The following MMEL1 variants were observed in gnomAD, a reference collection of about 807,000 sequenced individuals.
MMEL1 encodes membrane metallo-endopeptidase-like 1.
MMEL1 carries 98 observed loss-of-function variants against 117.1 expected under a neutral mutation model. The observed-to-expected ratio is 0.84, with a 90% CI of 0.71 to 0.99. MMEL1 has a LOEUF of 0.99. Among genes scored for constraint, MMEL1 ranks in the 50% least tolerant of loss-of-function variants. MMEL1 has a pLI of 0.00. For missense variants in MMEL1, 1,014 were observed against 1,049.1 expected (o/e 0.97, Z 0.46); for synonymous variants, 390 against 415.1 (o/e 0.94, Z 0.74).
intron 13 of MMEL1, among the ~76,000 whole-genome samples, chr1:2,597,526 C>T (rs981408121): frequency 3.9e-5 from 6 of 152,158 alleles, no homozygotes; most frequent in African/African-American, 1.4e-4. Context: ...TGTGTGTCTG[C>T]CAGCACCATG....
intron 2 of MMEL1, among the ~76,000 whole-genome samples, chr1:2,629,063 T>A (rs996996956): frequency 2.6e-5 from 4 of 151,286 alleles, no homozygotes; most frequent in East Asian, 2.0e-4. Flanking sequence ...GGCGGGCGGG[T>A]GCGGAGCTGC....
intron 2 of MMEL1, among the ~76,000 whole-genome samples, chr1:2,614,334 G>A (rs1645171871): frequency 6.6e-6 from 1 of 152,208 alleles, no homozygotes; most frequent in Non-Finnish European, 1.5e-5. Flanking sequence ...AGCAAAGGAA[G>A]CTGTACATAA....
chr1:2,630,640 CGT>C (rs1491089925), intron 1 of MMEL1, among the ~76,000 whole-genome samples: 17 of 142,072 alleles, frequency 1.2e-4, no homozygotes, highest in East Asian at 4.4e-4. Flanking sequence ...CCTGTGCTCG[CGT>C]GTGTGCGTGT....
At chr1:2,601,233 G>A (rs1386530591) in intron 11 of MMEL1, among the ~76,000 whole-genome samples, 3 of 152,170 alleles carry the variant, frequency 2.0e-5, no homozygotes, top group Non-Finnish European at 2.9e-5. Flanking sequence ...GATGGTGGTA[G>A]GGGTTATCAC....
chr1:2,597,610 C>G (rs1441136155), intron 13 of MMEL1, among the ~76,000 whole-genome samples: 1 of 152,204 alleles, frequency 6.6e-6, no homozygotes, highest in Non-Finnish European at 1.5e-5. Flanking sequence ...AACTCACTCT[C>G]CCCAGAACAG....
Position 2,591,613 on chromosome 1 carries a change from C to A in MMEL1, c.2184G>T (p.Arg728=). ...NYAQVWCGSY[R]PEFAIQSIKT... ...TGATGGATTGGATGGCGAACTCGGGCCGGTAGGACCCGCACCACACCTGTG... is the reference window on the plus strand; with the variant it reads ...TGATGGATTGGATGGCGAACTCGGGACGGTAGGACCCGCACCACACCTGTG... The change falls in exon 23 of 24, where the codon CGG becomes CGT. Residue 728 remains arginine, a synonymous_variant. Transcript: ENST00000378412. The A allele has an allele frequency of 6.2e-7, 1 of 1,613,336 alleles. No individual in the cohort carries two copies. The highest frequency in any genetic ancestry group is 1.1e-5 in the South Asian group (1 of 91,060).
intron 2 of MMEL1, among the ~76,000 whole-genome samples, chr1:2,620,052 C>T (rs536498287): frequency 9.8e-5 from 15 of 152,328 alleles, no homozygotes; most frequent in African/African-American, 3.6e-4. Flanking sequence ...TATATGTTAT[C>T]AGTGCTCAGC....
chr1:2,624,760 C>T (rs1034988684), intron 2 of MMEL1, among the ~76,000 whole-genome samples: 2 of 152,178 alleles, frequency 1.3e-5, no homozygotes, highest in Non-Finnish European at 2.9e-5. Context: ...TCCATTATCA[C>T]ACTGCTAGAA....
intron 8 of MMEL1, 139 bp downstream of exon 8, chr1:2,606,109 G>A (rs555838353): frequency 1.9e-5 from 13 of 686,218 alleles, no homozygotes; most frequent in African/African-American, 8.9e-5. Flanking sequence ...GCCCACGGAC[G>A]TGGACAGGAG....
chr1:2,621,213 AG>A (rs1431133790), intron 2 of MMEL1, among the ~76,000 whole-genome samples: 1 of 152,168 alleles, frequency 6.6e-6, no homozygotes, highest in Admixed American at 6.5e-5. Flanking sequence ...TGAGCCCAGG[AG>A]GTTGAGGCTG....
chr1:2,596,735 C>T lies in MMEL1; in HGVS notation c.1273-46G>A, dbSNP rs1002025852. On this transcript the variant is annotated intron_variant, in intron 13 of 23. Coordinates refer to ENST00000378412, the MANE Select transcript of MMEL1 (RefSeq NM_033467.4). ...TCCCACGGGCCCCCACGTCAGCCTT[C>T]CCAGGCCTGGCGTGGGGCCCTGGGC... 6.2e-6 allele frequency: 10 copies of T among 1,604,970 alleles called. No homozygotes were observed. In the Admixed American group the frequency reaches 1.5e-4, roughly 24 times the overall value.
Position 2,596,659 on chromosome 1 carries a change from G to T in MMEL1, c.1303C>A (p.Arg435Ser), listed in dbSNP as rs1336716532. ...ALFGTMVEEV[R>S]WRECVGYVNS... ...ACGTAGCCCACACATTCACGCCAGC[G>T]CACCTCCTCCACCATTGTGCCAAAC... The change falls in exon 14 of 24, where the codon CGC (arginine) becomes AGC (serine). Residue 435 changes from arginine (R) to serine (S), a missense_variant. Coordinates refer to ENST00000378412, the MANE Select transcript of MMEL1 (RefSeq NM_033467.4). 6.2e-7 allele frequency: 1 copy of T among 1,612,950 alleles called. No individual in the cohort carries two copies. The highest frequency in any genetic ancestry group is 8.5e-7 in the Non-Finnish European group (1 of 1,179,822).
At chr1:2,602,393 G>A (rs552893950) in intron 11 of MMEL1, among the ~76,000 whole-genome samples, 390 of 152,262 alleles carry the variant, frequency 2.6e-3, no homozygotes, top group Non-Finnish European at 3.6e-3. Flanking sequence ...TGAACCTGCC[G>A]CTGTGATGTC....
intron 2 of MMEL1, among the ~76,000 whole-genome samples, chr1:2,619,341 G>A (rs1412091772): frequency 6.6e-6 from 1 of 152,148 alleles, no homozygotes; most frequent in Non-Finnish European, 1.5e-5. Context: ...AATAACGTAA[G>A]TACGTTTGAA....
Position 2,591,089 on chromosome 1 carries a change from C to CCTGTGGGTGGGTGGGTGTGA in MMEL1, c.2241-20_2241-1dup (p.Arg747SerfsTer89), listed in dbSNP as rs1243152437. The CCTGTGGGTGGGTGGGTGTGA allele has an allele frequency of 6.3e-7, 1 of 1,576,852 alleles. No homozygotes were observed. Among genetic ancestry groups the CCTGTGGGTGGGTGGGTGTGA allele is most frequent in the Non-Finnish European group, 8.6e-7 (1 of 1,161,944 alleles). Reference sequence around the variant, plus strand: ...CCAGGTTCTGCAGCGACCCCAGTACCCTGTGGGTGGGTGGGTGTGACAGCA... The same window carrying CCTGTGGGTGGGTGGGTGTGA: ...CCAGGTTCTGCAGCGACCCCAGTACCCTGTGGGTGGGTGGGTGTGACTGTGGGTGGGTGGGTGTGACAGCA... On this transcript the variant is annotated frameshift_variant and splice_region_variant. Coordinates refer to ENST00000378412, the MANE Select transcript of MMEL1 (RefSeq NM_033467.4). LOFTEE classifies it high-confidence loss of function.
At chr1:2,610,545 C>T (rs1645108399) in intron 4 of MMEL1, among the ~76,000 whole-genome samples, 1 of 152,206 alleles carries the variant, frequency 6.6e-6, no homozygotes, top group East Asian at 1.9e-4. Flanking sequence ...TCTGACTCTG[C>T]CCCCTGCCCC....
Position 2,595,430 on chromosome 1 carries a change from G to A in MMEL1, c.1501-71C>T, listed in dbSNP as rs948432124. On this transcript the variant is annotated intron_variant, in intron 15 of 23. Coordinates refer to ENST00000378412, the MANE Select transcript of MMEL1 (RefSeq NM_033467.4). This position sits in a 1 kb window ranked among gnomAD's most constrained non-coding sequence, Gnocchi z 4.8. ...GGAGTCAGCCCGGGGGCCGGTCAGT[G>A]AGTGCCACACTGTGGGAGGGGTCAG... 1 of 1,365,452 alleles carries A rather than the reference G, an allele frequency of 7.3e-7. No homozygotes were observed. The highest frequency in any genetic ancestry group is 1.0e-6 in the Non-Finnish European group (1 of 957,506). The allele number at this position is 1,365,452 out of a possible 1,614,324, so 84.6% of individuals were successfully genotyped here.
chr1:2,594,185 G>GCCC (rs1644792595), intron 18 of MMEL1, 200 bp downstream of exon 18: 2 of 782,008 alleles, frequency 2.6e-6, no homozygotes, highest in Non-Finnish European at 2.0e-6. Flanking sequence ...GCTCTGGGCC[G>GCCC]CCTGCCAAGT....
chr1:2,614,470 A>C (rs983442669), intron 2 of MMEL1, among the ~76,000 whole-genome samples: 1 of 152,226 alleles, frequency 6.6e-6, no homozygotes, highest in African/African-American at 2.4e-5. Flanking sequence ...TTGCTGCTGC[A>C]GTGAGAAGTT....
Sources: gnomAD v4.1 joint callset for allele counts (sites outside exome capture counted in the v4.1 genomes callset) on GRCh38, gnomAD v4.1.1 for gene constraint, Gnocchi (gnomAD v3.1) non-coding constraint, MANE v1.5 for transcripts, NCBI Gene and HGNC (gene_info 2026-07-23, HGNC 2026-07-21) for gene names.